SMC2: variants seen among roughly 807,000 people sequenced by gnomAD.
The protein encoded by SMC2 is structural maintenance of chromosomes 2.
Under a neutral mutation model 142.6 loss-of-function variants are expected in SMC2, and 41 were observed. That is an observed-to-expected ratio of 0.29 (90% CI 0.22 to 0.37). The LOEUF (loss-of-function observed/expected upper bound fraction) is 0.37, where lower values mean the gene tolerates loss of function less well. Ranked by LOEUF, SMC2 falls within the 10% of genes least tolerant of loss-of-function variation. The pLI is 1.00. For missense variants in SMC2, 1,265 were observed against 1,373.7 expected (o/e 0.92, Z 1.25); for synonymous variants, 463 against 457.5 (o/e 1.01, Z -0.15).
In SMC2 at chr9:104,139,283, A is replaced by G. The variant is rs752440345; in HGVS notation, c.3562A>G (p.Lys1188Glu). 8.7e-6 allele frequency: 14 copies of G among 1,600,950 alleles called. No individual in the cohort carries two copies. The highest frequency in any genetic ancestry group is 6.8e-5 in the East Asian group (3 of 44,162). Reference sequence around the variant, plus strand: ...TTCAAAGGAAGCAAAATCCAAGGCAAAACCACCCAAAGGAGCACATGTGGA... The same window carrying G: ...TTCAAAGGAAGCAAAATCCAAGGCAGAACCACCCAAAGGAGCACATGTGGA... ...KISKEAKSKA[K>E]PPKGAHVEV The change falls in exon 25 of 25, where the codon AAA (lysine) becomes GAA (glutamate). Residue 1188 changes from lysine to glutamate, a missense_variant. Transcript: ENST00000374793.
chr9:104,121,388 C>T (rs1022070661), intron 16 of SMC2, among the ~76,000 whole-genome samples: 1 of 151,910 alleles, frequency 6.6e-6, no homozygotes, highest in Non-Finnish European at 1.5e-5. Context: ...CTCAGCTACT[C>T]AGGAGGCTGA....
At chr9:104,101,873 T>G (rs1379430742) in intron 7 of SMC2, 87 bp from the exon 8 acceptor site, 2 of 764,734 alleles carry the variant, frequency 2.6e-6, no homozygotes, top group Non-Finnish European at 4.3e-6. Context: ...ATCTATTATG[T>G]AATGAGAAAT....
intron 9 of SMC2, among the ~76,000 whole-genome samples, chr9:104,110,469 G>A (rs1832302328): frequency 7.3e-6 from 1 of 136,174 alleles, no homozygotes. Context: ...AGTTAATTGT[G>A]TTATGTTATT....
chr9:104,099,482 G>A, intron 4 of SMC2, among the ~76,000 whole-genome samples, 162 bp from the exon 5 acceptor site: 1 of 151,888 alleles, frequency 6.6e-6, no homozygotes, highest in Non-Finnish European at 1.5e-5. Flanking sequence ...GAATAGCAAA[G>A]TTCCAAAATT....
chr9:104,121,555 T>G (rs919631838), intron 16 of SMC2, among the ~76,000 whole-genome samples: 1 of 152,146 alleles, frequency 6.6e-6, no homozygotes, highest in Admixed American at 6.5e-5. Context: ...TCTCTGAAGA[T>G]GACAAATAGG....
chr9:104,110,583 A>ATGT (rs10653064), intron 9 of SMC2, among the ~76,000 whole-genome samples: 87,034 of 150,160 alleles, frequency 0.58, 26,034 homozygotes, highest in African/African-American at 0.69. Flanking sequence ...TCCAACTCCC[A>ATGT]TGTTTAAGGA....
chr9:104,102,135 A>T lies in SMC2; in HGVS notation c.812A>T (p.Asp271Val). The T allele has an allele frequency of 1.3e-6, 2 of 1,589,662 alleles. No individual in the cohort carries two copies. Among genetic ancestry groups the T allele is most frequent in the Non-Finnish European group, 1.7e-6 (2 of 1,160,208 alleles). Residue 271 changes from aspartate (D) to valine (V), a missense_variant, in exon 8 of 25, where the codon GAT (aspartate) becomes GTT (valine). This residue lies in a region of SMC2 where 898 missense variants were observed against 904.2 expected (regional missense o/e 0.99). Coordinates refer to ENST00000374793, the MANE Select transcript of SMC2 (RefSeq NM_006444.3). ...IKLQEELSEN[D>V]KKIKALNHEI... ...CTTCAGGAAGAATTGTCTGAGAATG[A>T]TAAAAAAATAAAAGCACTTAATCAT...
At chr9:104,113,115 A>G (rs1212599703) in intron 10 of SMC2, among the ~76,000 whole-genome samples, 5 of 152,152 alleles carry the variant, frequency 3.3e-5, no homozygotes, top group Non-Finnish European at 5.9e-5. Flanking sequence ...TTAATCATAT[A>G]TTAGTTTATA....
In SMC2 at chr9:104,099,678, C is replaced by T; in HGVS notation, c.476C>T (p.Pro159Leu). 1.3e-6 allele frequency: 2 copies of T among 1,560,850 alleles called. No individual in the cohort carries two copies. Among genetic ancestry groups the T allele is most frequent in the Non-Finnish European group, 1.8e-6 (2 of 1,132,652 alleles). The change falls in exon 5 of 25, where the codon CCA becomes CTA. Residue 159 changes from proline to leucine, a missense_variant. Physicochemically the swap from Pro to Leu is moderately conservative, Grantham distance 98. Around this residue, in one of 4 missense-constraint regions of SMC2, gnomAD observed 168 missense variants for 184.8 expected, o/e 0.91. Transcript: ENST00000374793. ...ACAAAAGTATTGAATATGAAACCTC[C>T]AGAGGTAAGAGTACTATTTATGGAC... The part of the protein sequence containing the change: ...RITKVLNMKP[P>L]EILSMIEEAA...
At chr9:104,125,247 G>T in intron 18 of SMC2, 142 bp downstream of exon 18, 1 of 646,154 alleles carries the variant, frequency 1.5e-6, no homozygotes, top group Non-Finnish European at 2.6e-6. Flanking sequence ...AACAAATTAT[G>T]CTTCTTACAA....
chr9:104,107,649 T>G (rs1831959215), intron 9 of SMC2, among the ~76,000 whole-genome samples: 1 of 152,228 alleles, frequency 6.6e-6, no homozygotes, highest in African/African-American at 2.4e-5. Flanking sequence ...TTTTCATTAG[T>G]AAGTGCCACC....
chr9:104,124,169 G>A (rs922376889), intron 17 of SMC2, among the ~76,000 whole-genome samples: 4 of 152,160 alleles, frequency 2.6e-5, no homozygotes, highest in Non-Finnish European at 5.9e-5. Context: ...TCAGCTCACT[G>A]CAACCTCCAC....
chr9:104,095,060 T>C (rs1157132304), intron 1 of SMC2, among the ~76,000 whole-genome samples: 2 of 152,086 alleles, frequency 1.3e-5, no homozygotes, highest in Non-Finnish European at 2.9e-5. Context: ...TTTGTTTAGG[T>C]AGAGTATGAT....
At chr9:104,116,165 A>G (rs1265249012) in intron 13 of SMC2, 35 bp from the exon 14 acceptor site, 2 of 1,549,874 alleles carry the variant, frequency 1.3e-6, no homozygotes, top group African/African-American at 1.4e-5. Context: ...TGTCATTTTT[A>G]ACATGCGTTT....
At chr9:104,114,182 A>G (rs1321105592) in intron 12 of SMC2, 101 bp downstream of exon 12, 3 of 630,444 alleles carry the variant, frequency 4.8e-6, no homozygotes, top group African/African-American at 3.8e-5. Flanking sequence ...AGATTTTTGT[A>G]TGAAACTTGT....
chr9:104,099,605 T>A, intron 4 of SMC2, 39 bp from the exon 5 acceptor site: 1 of 1,315,828 alleles, frequency 7.6e-7, no homozygotes, highest in Non-Finnish European at 1.1e-6. Flanking sequence ...ACATTTTCTG[T>A]AATTTGTTAT....
chr9:104,114,464 AGTT>A (rs1427407440), intron 12 of SMC2, among the ~76,000 whole-genome samples: 1 of 152,128 alleles, frequency 6.6e-6, no homozygotes, highest in African/African-American at 2.4e-5. Context: ...AGAACATCAG[AGTT>A]GTTCTTACTA....
At chr9:104,129,331 C>T (rs1280114718) in intron 20 of SMC2, among the ~76,000 whole-genome samples, 4 of 151,904 alleles carry the variant, frequency 2.6e-5, no homozygotes, top group Admixed American at 1.3e-4. Context: ...GGAGAAACCC[C>T]GTCTCTACTA....
At position 104,099,765 on chromosome 9, in the gene SMC2, A is replaced by T. The variant is rs202085952; in HGVS notation, c.480+83A>T. The T allele has an allele frequency of 5.6e-4, 514 of 912,432 alleles. 7 individuals carry two copies. In the East Asian group the frequency reaches 0.013, roughly 24 times the overall value. 56.5% of individuals were successfully genotyped at this position (912,432 alleles called of 1,614,324 possible). ...TCAGACAATTTTTAAATATTCTATT[A>T]AAATTTTTGGAGACATTATTTGGGA... is the stretch of plus-strand genomic sequence containing the variant. On this transcript the variant is annotated intron_variant, in intron 5 of 24. Transcript: ENST00000374793.
Sources: allele counts gnomAD v4.1 joint callset (sites outside exome capture counted in the v4.1 genomes callset), GRCh38; gene constraint gnomAD v4.1.1; regional missense constraint gnomAD v4.1.1; transcripts MANE v1.5; gene names NCBI Gene and HGNC (gene_info 2026-07-23, HGNC 2026-07-21).